Variants in SLC6A6 observed in about 807,000 individuals in gnomAD.
SLC6A6 encodes sodium- and chloride-dependent taurine transporter.
In SLC6A6, 16 loss-of-function variants were observed where a neutral mutation model predicts 68.8. The ratio of observed to expected loss-of-function variants is 0.23; its 90% CI spans 0.16 to 0.35. The LOEUF (loss-of-function observed/expected upper bound fraction) is 0.35, where lower values mean the gene tolerates loss of function less well. SLC6A6 is among the 10% of genes least tolerant of loss of function. The probability of loss-of-function intolerance (pLI) is 1.00; values close to 1 mark genes in which losing one functional copy is unlikely to be tolerated. For synonymous variants in SLC6A6, 312 were observed against 315.4 expected, an observed-to-expected ratio of 0.99 and a Z score of 0.12; for missense variants, 474 against 802.8, an observed-to-expected ratio of 0.59 and a Z score of 4.95.
At chr3:14,423,874 G>A (rs1252644130) in intron 2 of SLC6A6, among the ~76,000 whole-genome samples, 2 of 152,146 alleles carry the variant, frequency 1.3e-5, no homozygotes, top group Non-Finnish European at 2.9e-5. Flanking sequence ...TCACCCTAAA[G>A]GAGACAAAAT....
intron 3 of SLC6A6, among the ~76,000 whole-genome samples, chr3:14,444,543 C>T (rs1032378722): frequency 6.6e-6 from 1 of 152,162 alleles, no homozygotes; most frequent in Non-Finnish European, 1.5e-5. Context: ...CAGGCAGCAC[C>T]TAACGGTGGT....
intron 1 of SLC6A6, among the ~76,000 whole-genome samples, chr3:14,408,062 C>T (rs2124892797): frequency 6.6e-6 from 1 of 152,134 alleles, no homozygotes; most frequent in East Asian, 1.9e-4. Flanking sequence ...GCAGCTATTA[C>T]TAATAAAGCT....
At chr3:14,446,948 C>G (rs924440044) in intron 4 of SLC6A6, among the ~76,000 whole-genome samples, 3 of 152,188 alleles carry the variant, frequency 2.0e-5, no homozygotes, top group Non-Finnish European at 4.4e-5. Context: ...ATCCTTAAGC[C>G]TTTCTTCCAT....
chr3:14,406,952 A>G (rs913030119), intron 1 of SLC6A6, among the ~76,000 whole-genome samples: 1 of 152,220 alleles, frequency 6.6e-6, no homozygotes, highest in African/African-American at 2.4e-5. Context: ...TTAAAAACAA[A>G]CAAACAAACA....
chr3:14,483,704 A>G (rs1006731284), intron 14 of SLC6A6, among the ~76,000 whole-genome samples: 3 of 152,136 alleles, frequency 2.0e-5, no homozygotes, highest in South Asian at 2.1e-4. Context: ...AAAAACAAAA[A>G]AAATAGAGAC....
intron 1 of SLC6A6, among the ~76,000 whole-genome samples, chr3:14,403,473 G>A (rs1298621694): frequency 6.6e-6 from 1 of 152,176 alleles, no homozygotes; most frequent in Non-Finnish European, 1.5e-5. Flanking sequence ...GTCCTCGGCT[G>A]TACCCAAGAG....
At chr3:14,418,951 G>C (rs79603045) in intron 2 of SLC6A6, among the ~76,000 whole-genome samples, 14 of 152,142 alleles carry the variant, frequency 9.2e-5, no homozygotes, top group Non-Finnish European at 1.5e-4. Context: ...CCCTTCCCCC[G>C]GGACTTCCTC....
Position 14,454,438 on chromosome 3 carries a change from G to A in SLC6A6, c.600-3512G>A, listed in dbSNP as rs572147548. Among the ~76,000 whole-genome samples the A allele has an allele frequency of 2.6e-5, 4 of 152,258 alleles. No individual in the cohort carries two copies. The South Asian group carries it at 8.3e-4, about 32-fold the overall frequency. Reference sequence around the variant, plus strand: ...ACGCCCTCACTGCTGGGTAGGGATTGGCTGGGATCCTGATCGGCTGCTTTC... The same window carrying A: ...ACGCCCTCACTGCTGGGTAGGGATTAGCTGGGATCCTGATCGGCTGCTTTC... On this transcript the variant is annotated intron_variant, in intron 5 of 14. Transcript: ENST00000622186.
Position 14,425,010 on chromosome 3 carries a change from G to T in SLC6A6, c.-12+8557G>T, listed in dbSNP as rs572376573. 1.6e-4 allele frequency among the ~76,000 whole-genome samples: 24 copies of T among 152,298 alleles called. No individual in the cohort carries two copies. The South Asian group carries it at 3.7e-3, about 24-fold the overall frequency. The stretch of plus-strand genomic sequence containing the variant: ...GGGGTGTTTGTTTCTGCCTCTCTCT[G>T]CACTTAGCTGGATGCTAAGAAGGGG... On this transcript the variant is annotated intron_variant, in intron 2 of 14. Transcript: ENST00000622186.
At chr3:14,433,368 G>A (rs1405066018) in intron 2 of SLC6A6, among the ~76,000 whole-genome samples, 1 of 152,210 alleles carries the variant, frequency 6.6e-6, no homozygotes, top group African/African-American at 2.4e-5. Flanking sequence ...GCACAAGGAT[G>A]TTGTGTTTGT....
intron 4 of SLC6A6, among the ~76,000 whole-genome samples, chr3:14,446,639 A>C (rs886974036): frequency 6.6e-6 from 1 of 152,216 alleles, no homozygotes; most frequent in Non-Finnish European, 1.5e-5. Context: ...GTCTGGGTTC[A>C]AGTCTCATTA....
chr3:14,461,756 A>T (rs543722070), intron 6 of SLC6A6, among the ~76,000 whole-genome samples: 1 of 152,278 alleles, frequency 6.6e-6, no homozygotes, highest in South Asian at 2.1e-4. Flanking sequence ...ATGTGAAATG[A>T]GTTAGTGAAG....
chr3:14,418,334 GT>G (rs1404277406), intron 2 of SLC6A6, among the ~76,000 whole-genome samples: 3 of 152,336 alleles, frequency 2.0e-5, no homozygotes, highest in Non-Finnish European at 4.4e-5. Flanking sequence ...GCAAGCGTTT[GT>G]TTGTGGCCCA....
At chr3:14,442,492 G>T (rs1422608624) in intron 2 of SLC6A6, among the ~76,000 whole-genome samples, 3 of 152,206 alleles carry the variant, frequency 2.0e-5, no homozygotes, top group South Asian at 2.1e-4. Flanking sequence ...GTTTCCTCAC[G>T]CTGTGGGCTA....
At chr3:14,483,935 C>T (rs1240145953) in intron 14 of SLC6A6, among the ~76,000 whole-genome samples, 4 of 152,140 alleles carry the variant, frequency 2.6e-5, no homozygotes, top group African/African-American at 9.7e-5. Flanking sequence ...CCTCCTGCTT[C>T]CCAAAGTGCT....
intron 5 of SLC6A6, among the ~76,000 whole-genome samples, chr3:14,456,947 C>T: frequency 6.6e-6 from 1 of 152,238 alleles, no homozygotes; most frequent in Non-Finnish European, 1.5e-5. Context: ...TCTCTGTTCT[C>T]AGCGTGGCTG....
At position 14,484,470 on chromosome 3, in the gene SLC6A6, T is replaced by G. The variant is rs548020227; in HGVS notation, c.1723-397T>G. ...TGGAGGCTGAAGACAGTTGTCCAAC[T>G]CAGGGCATACAAATGAGAGGAACTC... On this transcript the variant is annotated intron_variant, in intron 14 of 14. Transcript: ENST00000622186. 1.6e-4 allele frequency among the ~76,000 whole-genome samples: 24 copies of G among 152,260 alleles called. 1 individual carries two copies. The highest frequency in any genetic ancestry group is 5.8e-4 in the African/African-American group (24 of 41,542).
chr3:14,451,045 C>T (rs1440775809), intron 5 of SLC6A6, among the ~76,000 whole-genome samples: 1 of 152,218 alleles, frequency 6.6e-6, no homozygotes, highest in East Asian at 1.9e-4. Flanking sequence ...CATGGGACCC[C>T]CATCACTCTC....
At chr3:14,417,567 TA>T (rs567268903) in intron 2 of SLC6A6, among the ~76,000 whole-genome samples, 5,764 of 152,048 alleles carry the variant, frequency 0.038, 263 homozygotes, top group African/African-American at 0.11. Context: ...CTGTCTCTAC[TA>T]AAAAACACAA....
Sources: gnomAD v4.1 joint callset for allele counts (sites outside exome capture counted in the v4.1 genomes callset) on GRCh38, gnomAD v4.1.1 for gene constraint, MANE v1.5 for transcripts, NCBI Gene and HGNC (gene_info 2026-07-23, HGNC 2026-07-21) for gene names.